PPP2R5A: variants seen among roughly 807,000 people sequenced by gnomAD.
PPP2R5A encodes the protein serine/threonine-protein phosphatase 2A 56 kDa regulatory subunit alpha isoform.
In PPP2R5A, 25 loss-of-function variants were observed where a neutral mutation model predicts 64.2. The ratio of observed to expected loss-of-function variants is 0.39; its 90% CI spans 0.28 to 0.54. The LOEUF is 0.54. Among genes scored for constraint, PPP2R5A ranks in the 20% least tolerant of loss-of-function variants. The pLI is 0.67. For missense variants in PPP2R5A, 425 were observed against 576.3 expected, an observed-to-expected ratio of 0.74 and a Z score of 2.69; for synonymous variants, 198 against 201.2, an observed-to-expected ratio of 0.98 and a Z score of 0.13.
chr1:212,302,614 T>G (rs1485164611), intron 1 of PPP2R5A, among the ~76,000 whole-genome samples: 1 of 152,236 alleles, frequency 6.6e-6, no homozygotes, highest in Non-Finnish European at 1.5e-5. Context: ...TCATACACCA[T>G]GTAATTCCCC....
At chr1:212,339,538 T>A (rs999425364) in intron 3 of PPP2R5A, among the ~76,000 whole-genome samples, 10 of 152,208 alleles carry the variant, frequency 6.6e-5, no homozygotes, top group African/African-American at 2.4e-4. Context: ...GTTGGCGGCA[T>A]AACAGCATTT....
At chr1:212,318,577 A>G (rs1046566901) in intron 1 of PPP2R5A, among the ~76,000 whole-genome samples, 1 of 152,346 alleles carries the variant, frequency 6.6e-6, no homozygotes, top group East Asian at 1.9e-4. Context: ...TAAATATGGT[A>G]TACCATGATA....
chr1:212,290,236 A>G (rs1253607006), intron 1 of PPP2R5A, among the ~76,000 whole-genome samples: 2 of 152,208 alleles, frequency 1.3e-5, no homozygotes, highest in African/African-American at 4.8e-5. Context: ...TGTGTTTTCT[A>G]AAGTAGGTGA....
chr1:212,351,324 A>C (rs1659875781), intron 8 of PPP2R5A, among the ~76,000 whole-genome samples: 2 of 152,210 alleles, frequency 1.3e-5, no homozygotes, highest in Non-Finnish European at 2.9e-5. Flanking sequence ...AGGCCATTCC[A>C]GCACCAAAAT....
chr1:212,342,685 G>C (rs1208223653), intron 4 of PPP2R5A, among the ~76,000 whole-genome samples: 1 of 152,136 alleles, frequency 6.6e-6, no homozygotes, highest in African/African-American at 2.4e-5. Flanking sequence ...AAAAGGAGTA[G>C]AATCATTGTG....
At chr1:212,320,716 G>A (rs1299755799) in intron 1 of PPP2R5A, among the ~76,000 whole-genome samples, 21 of 118,566 alleles carry the variant, frequency 1.8e-4, no homozygotes, top group African/African-American at 3.5e-4. Flanking sequence ...CGGATGGGGC[G>A]GCTGGCCGGG....
intron 1 of PPP2R5A, chr1:212,309,481 G>A (rs1253453606): frequency 5.0e-6 from 4 of 807,752 alleles, no homozygotes; most frequent in African/African-American, 3.4e-5. Flanking sequence ...TTCGGCTTTA[G>A]AAGGGGCAGG....
At chr1:212,335,922 A>G (rs1659586723) in intron 3 of PPP2R5A, among the ~76,000 whole-genome samples, 1 of 152,180 alleles carries the variant, frequency 6.6e-6, no homozygotes, top group African/African-American at 2.4e-5. Flanking sequence ...TTTTAAAAGT[A>G]AAGAAAGTGT....
chr1:212,290,047 A>C (rs926359347), intron 1 of PPP2R5A, among the ~76,000 whole-genome samples: 1 of 152,238 alleles, frequency 6.6e-6, no homozygotes, highest in Non-Finnish European at 1.5e-5. Context: ...ATAAATAGCA[A>C]GATAGGCTGA....
intron 3 of PPP2R5A, among the ~76,000 whole-genome samples, chr1:212,339,021 A>AT: frequency 6.6e-6 from 1 of 152,302 alleles, no homozygotes; most frequent in Non-Finnish European, 1.5e-5. Context: ...GGTGTGATAC[A>AT]TTTTTTAAAA....
chr1:212,329,642 T>C (rs1659465235), intron 2 of PPP2R5A, among the ~76,000 whole-genome samples: 1 of 152,036 alleles, frequency 6.6e-6, no homozygotes, highest in South Asian at 2.1e-4. Flanking sequence ...ACTGAGAACT[T>C]TTATTTTTAT....
intron 8 of PPP2R5A, chr1:212,352,774 T>C (rs780080092): frequency 1.9e-6 from 1 of 518,742 alleles, no homozygotes; most frequent in South Asian, 1.4e-5. Flanking sequence ...ATTACGCATA[T>C]CAAATGATCA....
At chr1:212,312,500 T>A (rs948679430) in intron 1 of PPP2R5A, among the ~76,000 whole-genome samples, 1 of 152,226 alleles carries the variant, frequency 6.6e-6, no homozygotes, top group Non-Finnish European at 1.5e-5. Context: ...AGTAGGCCTG[T>A]GGAACTTCTC....
intron 12 of PPP2R5A, 82 bp from the exon 13 acceptor site, chr1:212,360,556 G>A (rs1660061363): frequency 8.1e-7 from 1 of 1,235,518 alleles, no homozygotes; most frequent in African/African-American, 1.5e-5. Flanking sequence ...TAAGTAATGT[G>A]TTCTCCAGTA....
chr1:212,308,736 A>G (rs906053860), intron 1 of PPP2R5A, among the ~76,000 whole-genome samples: 5 of 152,076 alleles, frequency 3.3e-5, no homozygotes, highest in African/African-American at 1.2e-4. Context: ...ATGGTGTCCT[A>G]TAGGTCTCTG....
intron 1 of PPP2R5A, among the ~76,000 whole-genome samples, chr1:212,309,930 G>C (rs1244885639): frequency 6.6e-6 from 1 of 152,112 alleles, no homozygotes. Flanking sequence ...ATAATATATT[G>C]TAGCAACTCT....
intron 1 of PPP2R5A, among the ~76,000 whole-genome samples, chr1:212,302,747 T>TA (rs1284019184): frequency 6.6e-6 from 1 of 152,238 alleles, no homozygotes; most frequent in Non-Finnish European, 1.5e-5. Context: ...TGTCACCCCC[T>TA]ATTCCTTTAG....
chr1:212,290,765 A>G (rs1658587342), intron 1 of PPP2R5A, among the ~76,000 whole-genome samples: 1 of 152,226 alleles, frequency 6.6e-6, no homozygotes, highest in Non-Finnish European at 1.5e-5. Context: ...TGGTAAAATA[A>G]TGCAACCATT....
At chr1:212,311,715 C>G in intron 1 of PPP2R5A, among the ~76,000 whole-genome samples, 1 of 151,902 alleles carries the variant, frequency 6.6e-6, no homozygotes, top group East Asian at 1.9e-4. Context: ...CCTAAGCCAT[C>G]TGTGTTTGTG....
Sources: gnomAD v4.1 joint callset for allele counts (sites outside exome capture counted in the v4.1 genomes callset) on GRCh38, gnomAD v4.1.1 for gene constraint, MANE v1.5 for transcripts, NCBI Gene and HGNC (gene_info 2026-07-23, HGNC 2026-07-21) for gene names.